The following RANBP17 variants were observed in gnomAD, a reference collection of about 807,000 sequenced individuals.
RANBP17 encodes RAN binding protein 17.
In RANBP17, 158 loss-of-function variants were observed where a neutral mutation model predicts 141.2. That is an observed-to-expected ratio of 1.12 (90% confidence interval 0.98 to 1.28). The LOEUF is 1.28. RANBP17 is among the 50% of genes most tolerant of loss of function. The pLI is 0.00. For missense variants in RANBP17, 1,438 were observed against 1,290.7 expected (o/e 1.11, Z -1.75); for synonymous variants, 430 against 450.0 (o/e 0.96, Z 0.56).
At chr5:170,983,338 T>C (rs1303050021) in intron 14 of RANBP17, 4 of 245,308 alleles carry the variant, frequency 1.6e-5, no homozygotes, top group Non-Finnish European at 3.2e-5. Context: ...GTTTTACAGA[T>C]CTGGAATAGT....
chr5:171,191,395 CTG>C (rs1192823390), intron 18 of RANBP17, among the ~76,000 whole-genome samples: 8 of 152,056 alleles, frequency 5.3e-5, no homozygotes, highest in South Asian at 2.1e-4. Context: ...TGTTAGAAAA[CTG>C]AGGTTCAGAG....
At chr5:170,982,964 C>A in intron 14 of RANBP17, 1 of 334,322 alleles carries the variant, frequency 3.0e-6, no homozygotes, top group East Asian at 6.3e-5. Flanking sequence ...TGAATTTCAA[C>A]TTAAAATTGT....
chr5:171,058,350 C>T lies in RANBP17; in HGVS notation c.1710+89973C>T, dbSNP rs376460432. 1.3e-4 allele frequency among the ~76,000 whole-genome samples: 18 copies of T among 134,592 alleles called. No homozygotes were observed. The East Asian group carries it at 3.4e-3, about 25-fold the overall frequency. 88.3% of individuals were successfully genotyped at this position (134,592 alleles called of 152,430 possible). On this transcript the variant is annotated intron_variant, in intron 14 of 27. Transcript: ENST00000523189. The stretch of plus-strand genomic sequence containing the variant: ...CAACAGTCCCCAGAGTGTGATGTTC[C>T]TCTTCCTGTGTCCATGTGTTCTCAT...
At chr5:170,913,005 A>G (rs2127425233) in intron 7 of RANBP17, among the ~76,000 whole-genome samples, 1 of 152,144 alleles carries the variant, frequency 6.6e-6, no homozygotes, top group Middle Eastern at 3.4e-3. Context: ...ATTGGGGTCA[A>G]GAAGGTATTA....
chr5:171,251,823 A>G, intron 24 of RANBP17: 3 of 1,255,966 alleles, frequency 2.4e-6, no homozygotes, highest in South Asian at 1.2e-5. Flanking sequence ...TGTAAATCCT[A>G]ATGACAGTCT....
chr5:171,022,751 G>A (rs532673984), intron 14 of RANBP17, among the ~76,000 whole-genome samples: 136 of 152,268 alleles, frequency 8.9e-4, no homozygotes, highest in African/African-American at 2.8e-3. Flanking sequence ...TGTTTCATAC[G>A]CCTCCCACAA....
At chr5:170,887,910 A>C (rs1769291577) in intron 3 of RANBP17, among the ~76,000 whole-genome samples, 1 of 152,128 alleles carries the variant, frequency 6.6e-6, no homozygotes, top group African/African-American at 2.4e-5. Flanking sequence ...ATGACATTAA[A>C]CCATTCATAT....
Position 170,897,026 on chromosome 5 carries a change from A to G in RANBP17, c.489+911A>G, listed in dbSNP as rs957649837. On this transcript the variant is annotated intron_variant, in intron 5 of 27. Transcript: ENST00000523189. ...CTAAGGGAGCACGCCGCGGTCAGCC[A>G]GAAAGGAATCTATTATGAGGCAATA... is the stretch of plus-strand genomic sequence containing the variant. The G allele has an allele frequency of 4.7e-6, 5 of 1,054,906 alleles. No homozygotes were observed. The African/African-American group carries it at 7.9e-5, about 17-fold the overall frequency. The allele number at this position is 1,054,906 out of a possible 1,614,324, so 65.3% of individuals were successfully genotyped here.
chr5:171,158,928 A>G (rs568680504), intron 14 of RANBP17, among the ~76,000 whole-genome samples: 69 of 152,272 alleles, frequency 4.5e-4, no homozygotes, highest in African/African-American at 1.5e-3. Context: ...TGAATCCTGT[A>G]TTTTCAGGTA....
Position 171,002,875 on chromosome 5 carries a change from G to A in RANBP17, c.1710+34498G>A, listed in dbSNP as rs145946835. Among the ~76,000 whole-genome samples the A allele has an allele frequency of 4.1e-3, 621 of 152,200 alleles. 5 individuals are homozygous for A. The highest frequency in any genetic ancestry group is 0.014 in the African/African-American group (596 of 41,500). ...AGTCATGGGGGTCAGGTGTGGTTTC[G>A]GGAATAATGTGGGAGGCCGGATTGA... On this transcript the variant is annotated intron_variant, in intron 14 of 27. Coordinates refer to ENST00000523189, the MANE Select transcript of RANBP17 (RefSeq NM_022897.5).
chr5:171,272,760 C>G (rs1246278397), intron 25 of RANBP17, among the ~76,000 whole-genome samples: 1 of 152,180 alleles, frequency 6.6e-6, no homozygotes, highest in Non-Finnish European at 1.5e-5. Context: ...AGCAGTCATT[C>G]TATACCCCAG....
intron 27 of RANBP17, among the ~76,000 whole-genome samples, chr5:171,298,456 C>T (rs537193007): frequency 4.1e-4 from 62 of 152,312 alleles, no homozygotes; most frequent in African/African-American, 1.5e-3. Flanking sequence ...TCCTTACTAT[C>T]TATGTGTAAT....
At chr5:170,974,214 C>T (rs1777202953) in intron 14 of RANBP17, among the ~76,000 whole-genome samples, 1 of 152,186 alleles carries the variant, frequency 6.6e-6, no homozygotes, top group Admixed American at 6.5e-5. Context: ...AATTACCCCT[C>T]TAGCTGTCAG....
intron 3 of RANBP17, among the ~76,000 whole-genome samples, chr5:170,885,024 T>C (rs1035992870): frequency 2.8e-4 from 42 of 152,164 alleles, no homozygotes; most frequent in Non-Finnish European, 1.5e-5. Context: ...AAGTGAGTAA[T>C]GTCTGACAGG....
At chr5:171,050,065 C>T (rs1216413487) in intron 14 of RANBP17, among the ~76,000 whole-genome samples, 4 of 152,058 alleles carry the variant, frequency 2.6e-5, no homozygotes, top group Non-Finnish European at 5.9e-5. Flanking sequence ...GGCAGTATGG[C>T]CATTTTAACA....
intron 27 of RANBP17, among the ~76,000 whole-genome samples, chr5:171,296,388 G>C (rs568212476): frequency 3.9e-5 from 6 of 152,268 alleles, no homozygotes; most frequent in Non-Finnish European, 8.8e-5. Flanking sequence ...CTTGAGGTCA[G>C]ACAGACCCGA....
chr5:171,260,247 G>A (rs1484173969), intron 24 of RANBP17, among the ~76,000 whole-genome samples: 1 of 147,828 alleles, frequency 6.8e-6, no homozygotes. Flanking sequence ...GTTGCAGTGA[G>A]CCGAGATCAC....
chr5:170,982,438 CAG>C, intron 14 of RANBP17, among the ~76,000 whole-genome samples: 5 of 152,028 alleles, frequency 3.3e-5, no homozygotes, highest in South Asian at 4.2e-4. Flanking sequence ...TGGAGGAAAA[CAG>C]AATTAATATT....
At chr5:171,003,361 T>G (rs1779359943) in intron 14 of RANBP17, among the ~76,000 whole-genome samples, 1 of 152,178 alleles carries the variant, frequency 6.6e-6, no homozygotes, top group Non-Finnish European at 1.5e-5. Flanking sequence ...TGTGAGTTTA[T>G]GTATTGGTTT....
Sources: allele counts gnomAD v4.1 joint callset (sites outside exome capture counted in the v4.1 genomes callset), GRCh38; gene constraint gnomAD v4.1.1; transcripts MANE v1.5; gene names NCBI Gene and HGNC (gene_info 2026-07-23, HGNC 2026-07-21).